SLC39A11: variants seen among roughly 807,000 people sequenced by gnomAD.
SLC39A11 encodes solute carrier family 39 member 11, also known as zinc transporter ZIP11.
In SLC39A11, 33 loss-of-function variants were observed where a neutral mutation model predicts 36.1. The ratio of observed to expected loss-of-function variants is 0.91; its 90% CI spans 0.69 to 1.22. The LOEUF is 1.22. Among genes scored for constraint, SLC39A11 ranks in the 50% most tolerant of loss-of-function variants. SLC39A11 has a pLI of 0.00. For missense variants in SLC39A11, 432 were observed against 430.3 expected (o/e 1.00, Z -0.03); for synonymous variants, 166 against 170.3 (o/e 0.97, Z 0.20).
At chr17:72,897,627 C>G (rs2082097606) in intron 5 of SLC39A11, among the ~76,000 whole-genome samples, 1 of 152,110 alleles carries the variant, frequency 6.6e-6, no homozygotes, top group African/African-American at 2.4e-5. Flanking sequence ...ATGGTGATGT[C>G]AGGATCCTTG....
chr17:72,907,942 G>A (rs2082747463), intron 5 of SLC39A11, among the ~76,000 whole-genome samples: 1 of 152,234 alleles, frequency 6.6e-6, no homozygotes, highest in African/African-American at 2.4e-5. Context: ...GGTAGAGTGT[G>A]TTGAGGTGAG....
chr17:72,693,328 G>C (rs534610601), intron 7 of SLC39A11, among the ~76,000 whole-genome samples: 6 of 149,600 alleles, frequency 4.0e-5, no homozygotes, highest in Non-Finnish European at 1.5e-5. Flanking sequence ...GCAAGCTCAC[G>C]GTCTGGGAAA....
At chr17:73,030,919 T>A (rs1316164206) in intron 4 of SLC39A11, among the ~76,000 whole-genome samples, 2 of 152,234 alleles carry the variant, frequency 1.3e-5, no homozygotes, top group African/African-American at 4.8e-5. Flanking sequence ...AATCCAGCTC[T>A]CCTGCCATAT....
chr17:72,883,382 TCA>T (rs1296858565), intron 5 of SLC39A11, among the ~76,000 whole-genome samples: 2 of 151,980 alleles, frequency 1.3e-5, no homozygotes, highest in Non-Finnish European at 2.9e-5. Flanking sequence ...TGGATGAAAA[TCA>T]CAGAGATGAC....
chr17:73,042,108 G>A (rs1226144553), intron 3 of SLC39A11, among the ~76,000 whole-genome samples: 8 of 152,174 alleles, frequency 5.3e-5, no homozygotes, highest in African/African-American at 1.9e-4. Context: ...TCTGGCAATA[G>A]AAATGAATTT....
intron 5 of SLC39A11, among the ~76,000 whole-genome samples, chr17:72,875,032 T>C (rs1274813599): frequency 6.6e-6 from 1 of 152,040 alleles, no homozygotes; most frequent in Non-Finnish European, 1.5e-5. Flanking sequence ...TGGGCAAATA[T>C]ATCTCAAACA....
At chr17:72,951,393 T>C (rs2085856169) in intron 4 of SLC39A11, among the ~76,000 whole-genome samples, 1 of 152,152 alleles carries the variant, frequency 6.6e-6, no homozygotes, top group South Asian at 2.1e-4. Flanking sequence ...ACCCTCTTTT[T>C]ACTGTAAAGA....
chr17:72,729,431 ATATATATATATATATATATATATATATT>A lies in SLC39A11; in HGVS notation c.671+7191_671+7218del, dbSNP rs1441867333. Reference sequence around the variant, plus strand: ...TATATATATATATATATATATATATATATATATATATATATATATATATATATTTTTTTTTTTTTTTTTTTTTGTAGAG... The same window carrying A: ...TATATATATATATATATATATATATATTTTTTTTTTTTTTTTTTTGTAGAG... On this transcript the variant is annotated intron_variant, in intron 7 of 9. Transcript: ENST00000255559. 8.8e-3 allele frequency among the ~76,000 whole-genome samples: 48 copies of A among 5,428 alleles called. 6 individuals carry two copies. The highest frequency in any genetic ancestry group is 0.036 in the East Asian group (5 of 140). The allele number at this position is 5,428 out of a possible 152,430, so 3.6% of individuals were successfully genotyped here.
rs529675767 is a variant in SLC39A11, at chr17:72,677,137, G to T, written c.672-27869C>A. Among the ~76,000 whole-genome samples, 3 of 152,334 alleles carry T rather than the reference G, an allele frequency of 2.0e-5. No individual in the cohort carries two copies. The East Asian group carries it at 5.8e-4, about 29-fold the overall frequency. Reference sequence around the variant, plus strand: ...GCCGCAGTGGCTGAGGGTGGTGTCAGGTGGCTGGACCTAAGGGAAGCCTCT... The same window carrying T: ...GCCGCAGTGGCTGAGGGTGGTGTCATGTGGCTGGACCTAAGGGAAGCCTCT... On this transcript the variant is annotated intron_variant, in intron 7 of 9. Coordinates refer to ENST00000255559, the MANE Select transcript of SLC39A11 (RefSeq NM_139177.4).
At chr17:73,080,415 G>C (rs550929076) in intron 3 of SLC39A11, among the ~76,000 whole-genome samples, 1 of 152,262 alleles carries the variant, frequency 6.6e-6, no homozygotes, top group South Asian at 2.1e-4. Flanking sequence ...ATGGTGCTGG[G>C]ATCATTGGAA....
intron 3 of SLC39A11, among the ~76,000 whole-genome samples, chr17:73,081,258 A>G (rs1319815276): frequency 6.6e-6 from 1 of 152,190 alleles, no homozygotes; most frequent in Non-Finnish European, 1.5e-5. Flanking sequence ...ATGCAAATCA[A>G]AACCACAATG....
chr17:73,003,519 G>A (rs140261051), intron 4 of SLC39A11, among the ~76,000 whole-genome samples: 3 of 152,250 alleles, frequency 2.0e-5, no homozygotes, highest in African/African-American at 7.2e-5. Flanking sequence ...AGGCTAGGAT[G>A]AGACTGGTGC....
At chr17:72,803,522 T>C (rs1048119463) in intron 6 of SLC39A11, among the ~76,000 whole-genome samples, 1 of 152,202 alleles carries the variant, frequency 6.6e-6, no homozygotes, top group Admixed American at 6.5e-5. Flanking sequence ...TTGAGCTCTA[T>C]GTAGTTATAG....
intron 4 of SLC39A11, among the ~76,000 whole-genome samples, chr17:72,958,062 A>T (rs1438762947): frequency 6.6e-6 from 1 of 152,188 alleles, no homozygotes; most frequent in Non-Finnish European, 1.5e-5. Flanking sequence ...AATAAACCCA[A>T]ATACTTAAAG....
At chr17:73,042,038 C>A (rs2059128357) in intron 3 of SLC39A11, among the ~76,000 whole-genome samples, 1 of 152,190 alleles carries the variant, frequency 6.6e-6, no homozygotes, top group South Asian at 2.1e-4. Context: ...TTAACACCTA[C>A]CCCACATTAG....
chr17:72,901,596 A>G (rs915520679), intron 5 of SLC39A11, among the ~76,000 whole-genome samples: 1 of 152,224 alleles, frequency 6.6e-6, no homozygotes, highest in Non-Finnish European at 1.5e-5. Flanking sequence ...TGTCTTCCCC[A>G]GCAGACTACA....
Position 72,647,510 on chromosome 17 carries a change from G to T in SLC39A11, c.*74C>A. ...AAAAAGTTTTAATGTGAAGAAAGAA[G>T]CTTGTTGTCCCATAGAAGCCAACCA... On this transcript the variant is annotated 3_prime_UTR_variant, in exon 10 of 10. Coordinates refer to ENST00000255559, the MANE Select transcript of SLC39A11 (RefSeq NM_139177.4). The T allele has an allele frequency of 8.0e-7, 1 of 1,249,068 alleles. No individual in the cohort carries two copies. The highest frequency in any genetic ancestry group is 1.1e-6 in the Non-Finnish European group (1 of 878,658). 77.4% of individuals were successfully genotyped at this position (1,249,068 alleles called of 1,614,324 possible). A position where few individuals can be genotyped will look rare whatever the true frequency, so the allele number is the denominator to read the frequency against.
intron 7 of SLC39A11, among the ~76,000 whole-genome samples, chr17:72,673,652 A>G (rs1191575611): frequency 6.6e-6 from 1 of 152,174 alleles, no homozygotes; most frequent in Non-Finnish European, 1.5e-5. Flanking sequence ...TTGTAATACA[A>G]CTTAGTTTCA....
At chr17:72,795,853 T>C (rs1293026497) in intron 6 of SLC39A11, among the ~76,000 whole-genome samples, 1 of 152,140 alleles carries the variant, frequency 6.6e-6, no homozygotes, top group Non-Finnish European at 1.5e-5. Flanking sequence ...AGGACTATTA[T>C]AAGCTATATC....
Sources: gnomAD v4.1 joint callset for allele counts (sites outside exome capture counted in the v4.1 genomes callset) on GRCh38, gnomAD v4.1.1 for gene constraint, MANE v1.5 for transcripts, NCBI Gene and HGNC (gene_info 2026-07-23, HGNC 2026-07-21) for gene names.